The following TNIK variants were observed in gnomAD, a reference collection of about 807,000 sequenced individuals.
TNIK encodes TRAF2 and NCK-interacting protein kinase.
TNIK carries 49 observed loss-of-function variants against 191.3 expected under a neutral mutation model. The ratio of observed to expected loss-of-function variants is 0.26; its 90% CI spans 0.20 to 0.32. The LOEUF (loss-of-function observed/expected upper bound fraction) is 0.32. Among genes scored for constraint, TNIK ranks in the 10% least tolerant of loss-of-function variants. TNIK has a pLI of 1.00. For missense variants in TNIK, 1,155 were observed against 1,702.3 expected (o/e 0.68, Z 5.66); for synonymous variants, 594 against 600.9 (o/e 0.99, Z 0.17).
At chr3:171,097,642 A>G (rs57650353) in intron 22 of TNIK, among the ~76,000 whole-genome samples, 29,432 of 152,188 alleles carry the variant, frequency 0.19, 4,103 homozygotes, top group African/African-American at 0.39. Context: ...CATGTAAGAC[A>G]TGCCTTTGCT....
chr3:171,328,270 G>A (rs1482973805), intron 2 of TNIK, among the ~76,000 whole-genome samples: 2 of 152,200 alleles, frequency 1.3e-5, no homozygotes, highest in East Asian at 3.9e-4. Context: ...ACCAGACACT[G>A]AATCTGCTGG....
chr3:171,346,339 T>G (rs1043319685), intron 2 of TNIK, among the ~76,000 whole-genome samples: 2 of 152,206 alleles, frequency 1.3e-5, no homozygotes, highest in Non-Finnish European at 2.9e-5. Flanking sequence ...TTGTGCCCTA[T>G]TAAAGATATG....
chr3:171,132,816 G>A (rs1006718974), intron 15 of TNIK, among the ~76,000 whole-genome samples: 2 of 152,094 alleles, frequency 1.3e-5, no homozygotes, highest in African/African-American at 2.4e-5. Flanking sequence ...TAGAGTCCAC[G>A]GGGTTTAGGA....
chr3:171,235,574 T>G (rs1328594585), intron 2 of TNIK, among the ~76,000 whole-genome samples: 1 of 152,134 alleles, frequency 6.6e-6, no homozygotes, highest in East Asian at 1.9e-4. Flanking sequence ...AAGGTAAAGT[T>G]TACATACAAC....
At chr3:171,089,619 C>CT (rs1352843533) in intron 23 of TNIK, among the ~76,000 whole-genome samples, 3 of 152,208 alleles carry the variant, frequency 2.0e-5, no homozygotes, top group African/African-American at 7.2e-5. Flanking sequence ...AATCTGCCCA[C>CT]TTCTGAGTCA....
At chr3:171,395,347 T>C (rs1270183058) in intron 1 of TNIK, among the ~76,000 whole-genome samples, 2 of 152,216 alleles carry the variant, frequency 1.3e-5, no homozygotes, top group African/African-American at 2.4e-5. Context: ...GCACACCTCA[T>C]AGGGTCATTA....
rs556267709 is a variant in TNIK at position 171,312,958 on chromosome 3, G to A, written c.123+56662C>T. ...TGCCATTTAATGTACTTCTGACCTTGCAGATCTGTGTGTGCTTAACTTCTC... is the reference window on the plus strand; with the variant it reads ...TGCCATTTAATGTACTTCTGACCTTACAGATCTGTGTGTGCTTAACTTCTC... On this transcript the variant is annotated intron_variant, in intron 2 of 32. Transcript: ENST00000436636. 2.0e-5 allele frequency among the ~76,000 whole-genome samples: 3 copies of A among 152,132 alleles called. No individual in the cohort carries two copies. In the South Asian group the frequency reaches 6.2e-4, roughly 32 times the overall value.
At chr3:171,167,516 T>C (rs1331860009) in intron 9 of TNIK, among the ~76,000 whole-genome samples, 1 of 152,166 alleles carries the variant, frequency 6.6e-6, no homozygotes, top group East Asian at 1.9e-4. Context: ...TTTTGCACAA[T>C]TTATATGTAA....
chr3:171,346,923 GGA>G lies in TNIK; in HGVS notation c.123+22695_123+22696del, dbSNP rs758842015. On this transcript the variant is annotated intron_variant, in intron 2 of 32. Coordinates refer to ENST00000436636, the MANE Select transcript of TNIK (RefSeq NM_015028.4). ...GAAATCATTCAAAAGGTTTTAAACA[GGA>G]GAGAGACATGATCAAATAAGCATTT... 88 of 470,630 alleles carry G rather than the reference GGA, an allele frequency of 1.9e-4. No individual in the cohort carries two copies. The East Asian group carries it at 2.9e-3, about 15-fold the overall frequency. 29.2% of individuals were successfully genotyped at this position (470,630 alleles called of 1,614,324 possible).
In TNIK at chr3:171,101,455, C is replaced by G; in HGVS notation, c.2585G>C (p.Arg862Thr). Residue 862 changes from arginine (R) to threonine (T), a missense_variant, in exon 22 of 33, where the codon AGA (arginine) becomes ACA (threonine). Physicochemically the swap from Arg to Thr is moderately conservative, Grantham distance 71. Transcript: ENST00000436636. The part of the protein sequence containing the change: ...DGTVAVSDIP[R>T]LIPTGAPGSN... ...TTAAAAGTAGTTCTCTTACATCAGT[C>G]TGGGTATGTCGCTGACAGCCACTGT... is the stretch of plus-strand genomic sequence containing the variant. 1 of 1,608,508 alleles carries G rather than the reference C, an allele frequency of 6.2e-7. No individual in the cohort carries two copies. The highest frequency in any genetic ancestry group is 8.5e-7 in the Non-Finnish European group (1 of 1,178,112).
At chr3:171,288,429 T>C (rs568487386) in intron 2 of TNIK, among the ~76,000 whole-genome samples, 61 of 152,062 alleles carry the variant, frequency 4.0e-4, no homozygotes, top group African/African-American at 1.3e-3. Context: ...TTCCAAGGAA[T>C]ACATTGGTGT....
At chr3:171,359,951 A>C (rs1317589307) in intron 2 of TNIK, among the ~76,000 whole-genome samples, 1 of 152,190 alleles carries the variant, frequency 6.6e-6, no homozygotes, top group Non-Finnish European at 1.5e-5. Flanking sequence ...ATAATCACGA[A>C]GTCATTAAGG....
At chr3:171,409,683 C>CCTCA (rs971317462) in intron 1 of TNIK, among the ~76,000 whole-genome samples, 5 of 150,682 alleles carry the variant, frequency 3.3e-5, no homozygotes, top group Admixed American at 6.6e-5. Flanking sequence ...TGGAATGAAA[C>CCTCA]CTCATTCCCG....
Position 171,085,173 on chromosome 3 carries a change from T to A in TNIK, c.2943A>T (p.Val981=). Reference sequence around the variant, plus strand: ...CTTCATCAGTGGGAGACGTCTGGTATACTCTGGGGTCCACAAAGGGGGTGA... The same window carrying A: ...CTTCATCAGTGGGAGACGTCTGGTAAACTCTGGGGTCCACAAAGGGGGTGA... ...ASFTPFVDPR[V]YQTSPTDEDE... Residue 981 remains valine (V), a synonymous_variant, in exon 25 of 33, where the codon GTA becomes GTT. Coordinates refer to ENST00000436636, the MANE Select transcript of TNIK (RefSeq NM_015028.4). The A allele has an allele frequency of 6.2e-7, 1 of 1,612,282 alleles. No individual in the cohort carries two copies. Among genetic ancestry groups the A allele is most frequent in the Middle Eastern group, 1.7e-4 (1 of 6,060 alleles).
chr3:171,399,393 G>A (rs372889121), intron 1 of TNIK, among the ~76,000 whole-genome samples: 41 of 152,100 alleles, frequency 2.7e-4, no homozygotes, highest in African/African-American at 8.9e-4. Flanking sequence ...ACAATCACAA[G>A]AGTGCTGGTC....
At chr3:171,296,096 A>G (rs145303633) in intron 2 of TNIK, among the ~76,000 whole-genome samples, 24 of 152,308 alleles carry the variant, frequency 1.6e-4, no homozygotes, top group African/African-American at 5.5e-4. Flanking sequence ...TACTCCCAAA[A>G]TGCTATAATT....
At chr3:171,150,065 T>TAAA (rs35586364) in intron 12 of TNIK, among the ~76,000 whole-genome samples, 3 of 152,062 alleles carry the variant, frequency 2.0e-5, no homozygotes, top group African/African-American at 7.2e-5. Context: ...GCTGCACTGG[T>TAAA]AAAAAACCCA....
intron 1 of TNIK, among the ~76,000 whole-genome samples, chr3:171,393,731 G>A (rs188153294): frequency 9.9e-4 from 151 of 152,242 alleles, no homozygotes; most frequent in Middle Eastern, 3.4e-3. Context: ...GATCTCTTTC[G>A]TAATTTTCAT....
chr3:171,314,226 C>T (rs374214360), intron 2 of TNIK, among the ~76,000 whole-genome samples: 2 of 152,134 alleles, frequency 1.3e-5, no homozygotes, highest in South Asian at 2.1e-4. Flanking sequence ...GCATCAGAGA[C>T]GATTTCTGGA....
Sources: gnomAD v4.1 joint callset for allele counts (sites outside exome capture counted in the v4.1 genomes callset) on GRCh38, gnomAD v4.1.1 for gene constraint, MANE v1.5 for transcripts, NCBI Gene and HGNC (gene_info 2026-07-23, HGNC 2026-07-21) for gene names.